The following BMPR1B variants were observed in gnomAD, a reference collection of about 807,000 sequenced individuals.
The protein encoded by BMPR1B is bone morphogenetic protein receptor type 1B, also known as bone morphogenetic protein receptor type-1B.
In BMPR1B, 12 loss-of-function variants were observed where a neutral mutation model predicts 59.1. The observed-to-expected ratio is 0.20, with a 90% CI of 0.13 to 0.33. The LOEUF (loss-of-function observed/expected upper bound fraction) is 0.33. BMPR1B is among the 10% of genes least tolerant of loss of function. The pLI is 1.00. For missense variants in BMPR1B, 550 were observed against 610.9 expected (o/e 0.90, Z 1.05); for synonymous variants, 237 against 207.3 (o/e 1.14, Z -1.23).
At chr4:95,016,267 G>A (rs1020333743) in intron 3 of BMPR1B, among the ~76,000 whole-genome samples, 1 of 150,740 alleles carries the variant, frequency 6.6e-6, no homozygotes, top group Non-Finnish European at 1.5e-5. Flanking sequence ...TTTTTTTTTT[G>A]TTGTTACTTC....
intron 2 of BMPR1B, among the ~76,000 whole-genome samples, chr4:94,973,947 A>G (rs6815064): frequency 0.61 from 92,327 of 152,056 alleles, 29,546 homozygotes; most frequent in African/African-American, 0.8. Context: ...AAGTGGTTAC[A>G]ATGTCGACAT....
intron 1 of BMPR1B, among the ~76,000 whole-genome samples, chr4:94,770,451 A>G (rs1722145271): frequency 6.6e-6 from 1 of 152,000 alleles, no homozygotes; most frequent in Admixed American, 6.6e-5. Context: ...CCTTATCCTG[A>G]GAAGTATAGT....
intron 3 of BMPR1B, among the ~76,000 whole-genome samples, chr4:95,054,064 C>T (rs1726736673): frequency 6.6e-6 from 1 of 152,154 alleles, no homozygotes; most frequent in Non-Finnish European, 1.5e-5. Flanking sequence ...ATTCTGAGAT[C>T]TTACATCCAT....
At chr4:94,759,406 G>A (rs1392714209) in intron 1 of BMPR1B, among the ~76,000 whole-genome samples, 1 of 152,106 alleles carries the variant, frequency 6.6e-6, no homozygotes, top group African/African-American at 2.4e-5. Flanking sequence ...GAAATGAGAG[G>A]GTTCAGCTAA....
intron 3 of BMPR1B, among the ~76,000 whole-genome samples, chr4:95,029,511 G>T (rs1194434601): frequency 6.6e-6 from 1 of 152,054 alleles, no homozygotes; most frequent in Non-Finnish European, 1.5e-5. Flanking sequence ...TGGACATTTG[G>T]GTTGGTTCCA....
At chr4:94,818,010 A>G (rs1326500780) in intron 1 of BMPR1B, among the ~76,000 whole-genome samples, 1 of 152,168 alleles carries the variant, frequency 6.6e-6, no homozygotes, top group Non-Finnish European at 1.5e-5. Context: ...GAAACTCTGA[A>G]GGTGGGGTCA....
chr4:94,815,693 C>G (rs551961315), intron 1 of BMPR1B, among the ~76,000 whole-genome samples: 1 of 152,224 alleles, frequency 6.6e-6, no homozygotes, highest in South Asian at 2.1e-4. Context: ...TTACTTTTAC[C>G]TACTCTAAGC....
intron 1 of BMPR1B, among the ~76,000 whole-genome samples, chr4:94,816,388 G>A (rs975479242): frequency 2.6e-5 from 4 of 151,870 alleles, no homozygotes; most frequent in African/African-American, 2.4e-5. Flanking sequence ...GGCTGGTCTC[G>A]AACTCCTGAC....
chr4:95,093,835 A>G (rs1730177720), intron 3 of BMPR1B, among the ~76,000 whole-genome samples: 3 of 152,074 alleles, frequency 2.0e-5, no homozygotes, highest in Admixed American at 2.0e-4. Context: ...GCCAGCAGTT[A>G]TATTTAAAAT....
intron 1 of BMPR1B, among the ~76,000 whole-genome samples, chr4:94,770,233 C>G (rs1476916661): frequency 1.1e-5 from 1 of 94,248 alleles, no homozygotes; most frequent in Non-Finnish European, 2.2e-5. Flanking sequence ...ATTTTTTATT[C>G]AGCAGCAGAT....
intron 2 of BMPR1B, among the ~76,000 whole-genome samples, chr4:94,944,363 C>T (rs973676426): frequency 2.0e-5 from 3 of 152,298 alleles, no homozygotes; most frequent in African/African-American, 7.2e-5. Flanking sequence ...CTGGACTCCT[C>T]TTCCATATCT....
At chr4:94,937,013 T>C (rs1729332001) in intron 2 of BMPR1B, among the ~76,000 whole-genome samples, 1 of 152,162 alleles carries the variant, frequency 6.6e-6, no homozygotes, top group South Asian at 2.1e-4. Context: ...ACTGGAGGAA[T>C]GTGTCTTGTG....
chr4:94,847,608 A>G (rs1364858369), intron 1 of BMPR1B, among the ~76,000 whole-genome samples: 2 of 100,394 alleles, frequency 2.0e-5, no homozygotes, highest in Non-Finnish European at 2.0e-5. Flanking sequence ...ATTCAGCCAT[A>G]AAAAACAATG....
chr4:94,862,956 A>G (rs1726055097), intron 1 of BMPR1B, among the ~76,000 whole-genome samples: 1 of 148,256 alleles, frequency 6.7e-6, no homozygotes, highest in African/African-American at 2.5e-5. Flanking sequence ...AAAAAAAAAA[A>G]AAAAAAAAAA....
At chr4:95,125,775 G>T (rs1356781539) in intron 8 of BMPR1B, among the ~76,000 whole-genome samples, 2 of 151,998 alleles carry the variant, frequency 1.3e-5, no homozygotes, top group African/African-American at 2.4e-5. Context: ...CCATTACTGT[G>T]GAGTTCTTTC....
chr4:94,857,458 T>C (rs888662744), intron 1 of BMPR1B, among the ~76,000 whole-genome samples: 14 of 152,212 alleles, frequency 9.2e-5, no homozygotes, highest in Non-Finnish European at 4.4e-5. Flanking sequence ...AAAAATCTAG[T>C]GGACTATAAG....
chr4:95,140,583 G>A lies in BMPR1B; in HGVS notation c.1077-8165G>A, dbSNP rs916482948. ...GATTCATCCCCCAGCTGAGAATAATGACAGCATCTTCTGTACTACTCTTTA... is the reference window on the plus strand; with the variant it reads ...GATTCATCCCCCAGCTGAGAATAATAACAGCATCTTCTGTACTACTCTTTA... On this transcript the variant is annotated intron_variant, in intron 10 of 12. Transcript: ENST00000515059. Among the ~76,000 whole-genome samples, 7 of 152,026 alleles carry A rather than the reference G, an allele frequency of 4.6e-5. No individual in the cohort carries two copies. The East Asian group carries it at 1.4e-3, about 30-fold the overall frequency.
intron 10 of BMPR1B, 52 bp downstream of exon 10, chr4:95,131,564 T>G (rs1560678787): frequency 2.5e-6 from 4 of 1,596,414 alleles, no homozygotes; most frequent in Non-Finnish European, 3.4e-6. Flanking sequence ...TCTGTTACTT[T>G]TTATTTTGTA....
rs371919275 is a variant in BMPR1B, at chr4:95,077,959, A to C, written c.-17-26449A>C. 2.4e-4 allele frequency among the ~76,000 whole-genome samples: 36 copies of C among 152,328 alleles called. 2 individuals carry two copies. In the South Asian group the frequency reaches 6.6e-3, roughly 28 times the overall value. Reference sequence around the variant, plus strand: ...CCATTTTAAAATGCATCTATGTAGCACTTGGAAAGCCAAGCTGATATTATG... The same window carrying C: ...CCATTTTAAAATGCATCTATGTAGCCCTTGGAAAGCCAAGCTGATATTATG... On this transcript the variant is annotated intron_variant, in intron 3 of 12. Transcript: ENST00000515059.
Sources: allele counts gnomAD v4.1 joint callset (sites outside exome capture counted in the v4.1 genomes callset), GRCh38; gene constraint gnomAD v4.1.1; transcripts MANE v1.5; gene names NCBI Gene and HGNC (gene_info 2026-07-23, HGNC 2026-07-21).